PWWP3A: variants seen among roughly 807,000 people sequenced by gnomAD.
The protein encoded by PWWP3A is PWWP domain-containing DNA repair factor 3A.
PWWP3A carries 53 observed loss-of-function variants against 79.0 expected under a neutral mutation model. The observed-to-expected ratio is 0.67, with a 90% CI of 0.54 to 0.84. The LOEUF (loss-of-function observed/expected upper bound fraction) is 0.84. Among genes scored for constraint, PWWP3A ranks in the 40% least tolerant of loss-of-function variants. The pLI, the probability that PWWP3A is intolerant of heterozygous loss-of-function variation, is 0.00. For synonymous variants in PWWP3A, 443 were observed against 394.4 expected, an observed-to-expected ratio of 1.12 and a Z score of -1.46; for missense variants, 973 against 948.0, an observed-to-expected ratio of 1.03 and a Z score of -0.35.
Position 1,376,660 on chromosome 19 carries a change from CAGG to C in PWWP3A, c.*85_*87del. ...TGAGCGTGTCTGAAGATGGGGGGCT[CAGG>C]GGGCACGTTTGCGTTTGGACCTGTC... On this transcript the variant is annotated 3_prime_UTR_variant, in exon 14 of 14. Transcript: ENST00000591337. 1 of 1,394,276 alleles carries C rather than the reference CAGG, an allele frequency of 7.2e-7. No homozygotes were observed. The highest frequency in any genetic ancestry group is 1.0e-6 in the Non-Finnish European group (1 of 992,164). The allele number at this position is 1,394,276 out of a possible 1,614,324, so 86.4% of individuals were successfully genotyped here. A position where few individuals can be genotyped will look rare whatever the true frequency, so the allele number is the denominator to read the frequency against.
intron 4 of PWWP3A, chr19:1,359,132 C>G (rs1000158184): frequency 5.8e-6 from 1 of 173,854 alleles, no homozygotes; most frequent in African/African-American, 2.3e-5. Context: ...ACATACATGA[C>G]AAGTGAGGAG....
Position 1,367,552 on chromosome 19 carries a change from C to T in PWWP3A, c.1422+332C>T, listed in dbSNP as rs376609941. Among the ~76,000 whole-genome samples, 7 of 152,212 alleles carry T rather than the reference C, an allele frequency of 4.6e-5. No homozygotes were observed. In the South Asian group the frequency reaches 8.3e-4, roughly 18 times the overall value. On this transcript the variant is annotated intron_variant, in intron 9 of 13. Coordinates refer to ENST00000591337, the MANE Select transcript of PWWP3A (RefSeq NM_001369789.1). ...GCGCAAGGCCACCGCCTTCCCTGGC[C>T]GACTGTCTCAGTCCACCCCATGTCA... is the stretch of plus-strand genomic sequence containing the variant.
At position 1,370,619 on chromosome 19, in the gene PWWP3A, C is replaced by G; in HGVS notation, c.1550-23C>G. The G allele has an allele frequency of 4.8e-6, 7 of 1,445,516 alleles. No individual in the cohort carries two copies. The South Asian group carries it at 1.1e-4, about 22-fold the overall frequency. 89.5% of individuals were successfully genotyped at this position (1,445,516 alleles called of 1,614,324 possible). The stretch of plus-strand genomic sequence containing the variant: ...AGGAAGGCAGCCCACGCGCTGGTCC[C>G]ACGACAGGTGCTTCTTTTGCAGGCT... On this transcript the variant is annotated intron_variant, in intron 11 of 13. Transcript: ENST00000591337.
In PWWP3A at chr19:1,356,461, T is replaced by C. The variant is rs768486844; in HGVS notation, c.57+12T>C. ...TATGGCCTGCGAAGGTGACAGCCAT[T>C]ATTCTGTAACTTCAGGACTTAGAAA... is the stretch of plus-strand genomic sequence containing the variant. On this transcript the variant is annotated intron_variant, in intron 2 of 13. Transcript: ENST00000591337. 5.6e-6 allele frequency: 9 copies of C among 1,613,696 alleles called. No individual in the cohort carries two copies. The highest frequency in any genetic ancestry group is 7.6e-6 in the Non-Finnish European group (9 of 1,179,668).
intron 11 of PWWP3A, among the ~76,000 whole-genome samples, 196 bp from the exon 12 acceptor site, chr19:1,370,446 G>C (rs936512115): frequency 6.6e-6 from 1 of 152,152 alleles, no homozygotes; most frequent in African/African-American, 2.4e-5. Flanking sequence ...GCCCAGTGAG[G>C]GGGGAAAGGC....
intron 4 of PWWP3A, 144 bp downstream of exon 4, chr19:1,358,608 T>C (rs533409780): frequency 1.3e-6 from 2 of 1,568,920 alleles, no homozygotes; most frequent in East Asian, 2.3e-5. Context: ...TCCCCTGAGC[T>C]GAAGGAGAAG....
rs1443935945 is a variant in PWWP3A, at chr19:1,370,670, G to A, written c.1578G>A (p.Gln526=). The change falls in exon 12 of 14, where the codon CAG becomes CAA. Residue 526 remains glutamine, a synonymous_variant. Coordinates refer to ENST00000591337, the MANE Select transcript of PWWP3A (RefSeq NM_001369789.1). The part of the protein sequence containing the change: ...ISYPVRKSIQ[Q]DVLGTKLPQL... ...ATCCTGTCCGAAAATCCATCCAGCA[G>A]GACGTCTTGGGGACCAAGCTTCCTC... The A allele has an allele frequency of 1.4e-6, 2 of 1,451,740 alleles. No individual in the cohort carries two copies. The highest frequency in any genetic ancestry group is 2.5e-5 in the East Asian group (1 of 39,928). The allele number at this position is 1,451,740 out of a possible 1,614,324, so 89.9% of individuals were successfully genotyped here.
At position 1,368,005 on chromosome 19, in the gene PWWP3A, A is replaced by G. The variant is rs1216885847; in HGVS notation, c.1422+785A>G. Among the ~76,000 whole-genome samples the G allele has an allele frequency of 1.3e-5, 2 of 151,886 alleles. No individual in the cohort carries two copies. The highest frequency in any genetic ancestry group is 1.9e-4 in the East Asian group (1 of 5,178). ...AGCGGTGCGATCTCAGCTCACTGCA[A>G]CCTCCACCTCCTGGGTTCATGCGAT... is the stretch of plus-strand genomic sequence containing the variant. On this transcript the variant is annotated intron_variant, in intron 9 of 13. Transcript: ENST00000591337. This position sits in a 1 kb window ranked among gnomAD's most constrained non-coding sequence, Gnocchi z 4.7.
Position 1,369,146 on chromosome 19 carries a change from G to C in PWWP3A, c.1423-119G>C. The C allele has an allele frequency of 1.2e-6, 1 of 835,194 alleles. No individual in the cohort carries two copies. The highest frequency in any genetic ancestry group is 2.0e-6 in the Non-Finnish European group (1 of 505,362). 51.7% of individuals were successfully genotyped at this position (835,194 alleles called of 1,614,324 possible). A position where few individuals can be genotyped will look rare whatever the true frequency, so the allele number is the denominator to read the frequency against. Reference sequence around the variant, plus strand: ...CCCTTTGTCAGGGAGGGTCAGAGGTGCGGGCTGGAGCGTGAGCAGCCTGGA... The same window carrying C: ...CCCTTTGTCAGGGAGGGTCAGAGGTCCGGGCTGGAGCGTGAGCAGCCTGGA... On this transcript the variant is annotated intron_variant, in intron 9 of 13. Transcript: ENST00000591337. This position sits in a 1 kb window ranked among gnomAD's most constrained non-coding sequence, Gnocchi z 4.0.
intron 13 of PWWP3A, among the ~76,000 whole-genome samples, chr19:1,376,020 A>AAGACT (rs2082384122): frequency 2.6e-5 from 4 of 151,218 alleles, no homozygotes; most frequent in Admixed American, 2.6e-4. Context: ...CATCTTGGCC[A>AAGACT]GGCTGGTCTT....
At chr19:1,372,845 T>C in intron 12 of PWWP3A, 1 of 466,594 alleles carries the variant, frequency 2.1e-6, no homozygotes. Context: ...CTGCTTTTAG[T>C]GATCTGAGCT....
intron 1 of PWWP3A, 52 bp from the exon 2 acceptor site, chr19:1,356,272 T>C (rs2081862587): frequency 1.0e-6 from 1 of 965,138 alleles, no homozygotes; most frequent in East Asian, 2.5e-5. Flanking sequence ...TGTGTCTGCG[T>C]TAACATCGCC....
At chr19:1,364,976 C>T (rs999109148) in intron 7 of PWWP3A, among the ~76,000 whole-genome samples, 1 of 152,026 alleles carries the variant, frequency 6.6e-6, no homozygotes, top group Non-Finnish European at 1.5e-5. Flanking sequence ...AAAAATTAGC[C>T]GGGCGTGGTG....
rs1252314820 is a variant in PWWP3A at position 1,369,424 on chromosome 19, G to A, written c.1498+84G>A. On this transcript the variant is annotated intron_variant, in intron 10 of 13. Transcript: ENST00000591337. This position sits in a 1 kb window ranked among gnomAD's most constrained non-coding sequence, Gnocchi z 4.0. ...CCCTTGGACGGGCTGGGCCGGAGCT[G>A]CCTGGAGGCGGGGCATATTTCCGTG... 2 of 1,536,322 alleles carry A rather than the reference G, an allele frequency of 1.3e-6. No individual in the cohort carries two copies. The highest frequency in any genetic ancestry group is 2.7e-5 in the African/African-American group (2 of 73,258).
chr19:1,373,074 C>T lies in PWWP3A; in HGVS notation c.1989C>T (p.Ala663=). ...RFILDVLLPE[A]IICAISAVDE... ...TTGAGCCCCGTGCCCTCTCACAGGC[C>T]ATCATCTGTGCGATCTCTGCGGTGG... Residue 663 remains alanine (A), a splice_region_variant and synonymous_variant, in exon 13 of 14, where the codon GCC becomes GCT. Transcript: ENST00000591337. The T allele has an allele frequency of 6.2e-7, 1 of 1,614,090 alleles. No individual in the cohort carries two copies. Among genetic ancestry groups the T allele is most frequent in the Non-Finnish European group, 8.5e-7 (1 of 1,179,994 alleles).
intron 5 of PWWP3A, 91 bp downstream of exon 5, chr19:1,361,123 A>G (rs1186110525): frequency 7.7e-6 from 10 of 1,290,836 alleles, no homozygotes; most frequent in African/African-American, 1.6e-5. Context: ...GGTGTTTTTG[A>G]CCAGATTTTA....
Position 1,366,392 on chromosome 19 carries a change from GTTC to G in PWWP3A, c.1361+14_1361+16del, listed in dbSNP as rs762897621. 4 of 1,613,822 alleles carry G rather than the reference GTTC, an allele frequency of 2.5e-6. No individual in the cohort carries two copies. Among genetic ancestry groups the G allele is most frequent in the Middle Eastern group, 1.6e-4 (1 of 6,062 alleles). On this transcript the variant is annotated intron_variant, in intron 8 of 13. Coordinates refer to ENST00000591337, the MANE Select transcript of PWWP3A (RefSeq NM_001369789.1). ...CCCGAAAATGAAAGGGTAACCCGCT[GTTC>G]TTGGTTTCTGTGAATGGGCCTGAGG...
chr19:1,376,856 CTG>C lies in PWWP3A; in HGVS notation c.*283_*284del. 1 of 344,686 alleles carries C rather than the reference CTG, an allele frequency of 2.9e-6. No homozygotes were observed. The highest frequency in any genetic ancestry group is 5.1e-5 in the East Asian group (1 of 19,744). The allele number at this position is 344,686 out of a possible 1,614,324, so 21.4% of individuals were successfully genotyped here. A position where few individuals can be genotyped will look rare whatever the true frequency, so the allele number is the denominator to read the frequency against. Reference sequence around the variant, plus strand: ...TTTTGAAAGGACGGAAGCGTATTCACTGTGCGCCAGTACTCCTGGCTGTGCTG... The same window carrying C: ...TTTTGAAAGGACGGAAGCGTATTCACTGCGCCAGTACTCCTGGCTGTGCTG... On this transcript the variant is annotated 3_prime_UTR_variant, in exon 14 of 14. Coordinates refer to ENST00000591337, the MANE Select transcript of PWWP3A (RefSeq NM_001369789.1).
At chr19:1,373,256 G>A (rs767410016) in intron 13 of PWWP3A, 96 bp downstream of exon 13, 1 of 1,095,324 alleles carries the variant, frequency 9.1e-7, no homozygotes, top group Non-Finnish European at 1.4e-6. Flanking sequence ...GGCTGCCGCA[G>A]CCCCTCTCCC....
Sources: gnomAD v4.1 joint callset for allele counts (sites outside exome capture counted in the v4.1 genomes callset) on GRCh38, gnomAD v4.1.1 for gene constraint, Gnocchi (gnomAD v3.1) non-coding constraint, MANE v1.5 for transcripts, NCBI Gene and HGNC (gene_info 2026-07-23, HGNC 2026-07-21) for gene names.